The following DLGAP1 variants were observed in gnomAD, a reference collection of about 807,000 sequenced individuals.
The protein encoded by DLGAP1 is disks large-associated protein 1.
DLGAP1 carries 11 observed loss-of-function variants against 90.8 expected under a neutral mutation model. The observed-to-expected ratio is 0.12, with a 90% confidence interval of 0.08 to 0.20. The LOEUF is 0.20. Ranked by LOEUF, DLGAP1 falls within the 10% of genes least tolerant of loss-of-function variation. DLGAP1 has a pLI of 1.00. For missense variants in DLGAP1, 1,050 were observed against 1,333.8 expected, an observed-to-expected ratio of 0.79 and a Z score of 3.31; for synonymous variants, 558 against 540.7, an observed-to-expected ratio of 1.03 and a Z score of -0.44.
At chr18:3,726,903 A>G (rs1264587127) in intron 7 of DLGAP1, among the ~76,000 whole-genome samples, 1 of 152,110 alleles carries the variant, frequency 6.6e-6, no homozygotes, top group African/African-American at 2.4e-5. Context: ...AGCAAATGCG[A>G]TCCCCTCTGT....
At chr18:3,799,582 C>G (rs978974467) in intron 5 of DLGAP1, among the ~76,000 whole-genome samples, 1 of 151,576 alleles carries the variant, frequency 6.6e-6, no homozygotes. Flanking sequence ...TTGTTACCTC[C>G]GGGGCACAGT....
intron 1 of DLGAP1, among the ~76,000 whole-genome samples, chr18:4,241,874 C>T (rs573904114): frequency 6.6e-6 from 1 of 152,142 alleles, no homozygotes; most frequent in African/African-American, 2.4e-5. Flanking sequence ...GTTTTCTAAA[C>T]ATTTTTAAAT....
chr18:4,265,663 CCCTTCCTTCCTTCCTTCCTT>C (rs551164051), intron 1 of DLGAP1, among the ~76,000 whole-genome samples: 7 of 54,288 alleles, frequency 1.3e-4, no homozygotes, highest in African/African-American at 1.2e-3. Flanking sequence ...CTCCCTCCCT[CCCTTCCTTCCTTCCTTCCTT>C]CCTTCCTTCC....
In DLGAP1 at chr18:4,322,913, T is replaced by A. The variant is rs192455839; in HGVS notation, c.-267+132093A>T. Among the ~76,000 whole-genome samples the A allele has an allele frequency of 5.0e-3, 684 of 136,990 alleles. 2 individuals carry two copies. The highest frequency in any genetic ancestry group is 8.0e-3 in the Non-Finnish European group (529 of 65,926). The allele number at this position is 136,990 out of a possible 152,430, so 89.9% of individuals were successfully genotyped here. A position where few individuals can be genotyped will look rare whatever the true frequency, so the allele number is the denominator to read the frequency against. ...GAGGCGGAGATTGCAGTAAGCTGAG[T>A]TTGTGCCACTGCACTCCAGCCTGGG... On this transcript the variant is annotated intron_variant, in intron 1 of 12. Transcript: ENST00000315677.
At chr18:3,854,672 G>A (rs532630846) in intron 4 of DLGAP1, among the ~76,000 whole-genome samples, 103 of 152,286 alleles carry the variant, frequency 6.8e-4, no homozygotes, top group African/African-American at 2.2e-3. Context: ...ATTTAATACA[G>A]ATACATGTAA....
At chr18:3,718,980 T>A (rs1385227328) in intron 7 of DLGAP1, among the ~76,000 whole-genome samples, 2 of 148,684 alleles carry the variant, frequency 1.3e-5, no homozygotes, top group Admixed American at 6.7e-5. Context: ...AATTTGGCAA[T>A]TTGGGAAAAA....
At chr18:3,612,735 A>T (rs1431875504) in intron 7 of DLGAP1, among the ~76,000 whole-genome samples, 1 of 152,254 alleles carries the variant, frequency 6.6e-6, no homozygotes, top group Non-Finnish European at 1.5e-5. Flanking sequence ...CAATCATTTC[A>T]TACACATTTT....
At chr18:3,965,782 T>C (rs1370163930) in intron 3 of DLGAP1, among the ~76,000 whole-genome samples, 1 of 151,788 alleles carries the variant, frequency 6.6e-6, no homozygotes, top group African/African-American at 2.4e-5. Flanking sequence ...ACCCCATCTC[T>C]ACTAAAAATA....
At chr18:4,347,476 A>G (rs1419087970) in intron 1 of DLGAP1, among the ~76,000 whole-genome samples, 3 of 152,072 alleles carry the variant, frequency 2.0e-5, no homozygotes, top group African/African-American at 7.2e-5. Flanking sequence ...ATAGTATTAT[A>G]TATCATATTA....
At chr18:4,287,875 A>G (rs1598819182) in intron 1 of DLGAP1, among the ~76,000 whole-genome samples, 1 of 151,848 alleles carries the variant, frequency 6.6e-6, no homozygotes, top group East Asian at 1.9e-4. Flanking sequence ...TAAAAAATAA[A>G]ATAATAAATA....
chr18:3,843,738 A>C (rs1025538575), intron 4 of DLGAP1, among the ~76,000 whole-genome samples: 13 of 152,188 alleles, frequency 8.5e-5, no homozygotes, highest in Admixed American at 6.5e-4. Flanking sequence ...ATAGCCATGA[A>C]ATCAAACATT....
At chr18:4,059,297 CACATGGGT>C (rs2075266674) in intron 2 of DLGAP1, among the ~76,000 whole-genome samples, 1 of 152,136 alleles carries the variant, frequency 6.6e-6, no homozygotes, top group African/African-American at 2.4e-5. Flanking sequence ...TCTTTCTTTG[CACATGGGT>C]AACTGTGTCT....
intron 5 of DLGAP1, among the ~76,000 whole-genome samples, chr18:3,809,973 CT>C (rs2066752839): frequency 1.3e-5 from 2 of 152,150 alleles, no homozygotes; most frequent in Admixed American, 6.5e-5. Flanking sequence ...CCCTAAATGT[CT>C]CCTCTACTTG....
chr18:4,201,625 G>GA (rs576038748), intron 1 of DLGAP1, among the ~76,000 whole-genome samples: 7 of 151,004 alleles, frequency 4.6e-5, no homozygotes, highest in South Asian at 2.1e-4. Flanking sequence ...AAATCACCAA[G>GA]AAAAAAAACA....
intron 1 of DLGAP1, among the ~76,000 whole-genome samples, chr18:4,201,116 C>CT (rs137992407): frequency 0.085 from 12,945 of 151,894 alleles, 1,595 homozygotes; most frequent in African/African-American, 0.27. Context: ...CTGTTGACGA[C>CT]TTTTTTTTGT....
At chr18:3,743,013 T>C (rs1375693696) in intron 5 of DLGAP1, among the ~76,000 whole-genome samples, 1 of 146,196 alleles carries the variant, frequency 6.8e-6, no homozygotes, top group Non-Finnish European at 1.5e-5. Context: ...CTCTCTAATA[T>C]AGTTGAAATT....
At chr18:4,324,490 G>T (rs1202023610) in intron 1 of DLGAP1, among the ~76,000 whole-genome samples, 3 of 151,794 alleles carry the variant, frequency 2.0e-5, no homozygotes, top group African/African-American at 7.3e-5. Context: ...AAATTGAGGA[G>T]CAGGGACTCC....
At chr18:3,913,155 G>C (rs1037560923) in intron 3 of DLGAP1, among the ~76,000 whole-genome samples, 22 of 152,234 alleles carry the variant, frequency 1.4e-4, no homozygotes, top group Admixed American at 1.2e-3. Context: ...CTGTTACCCA[G>C]GCTGGAGTCA....
chr18:4,374,172 C>T (rs1038989506), intron 1 of DLGAP1, among the ~76,000 whole-genome samples: 55 of 152,150 alleles, frequency 3.6e-4, no homozygotes, highest in African/African-American at 1.1e-3. Flanking sequence ...ATATGGGGAA[C>T]GCATGACCAG....
Sources: allele counts gnomAD v4.1 joint callset (sites outside exome capture counted in the v4.1 genomes callset), GRCh38; gene constraint gnomAD v4.1.1; transcripts MANE v1.5; gene names NCBI Gene and HGNC (gene_info 2026-07-23, HGNC 2026-07-21).